ZNF207: variants seen among roughly 807,000 people sequenced by gnomAD.
ZNF207 encodes BUB3-interacting and GLEBS motif-containing protein ZNF207.
In ZNF207, 24 loss-of-function variants were observed where a neutral mutation model predicts 60.2. The observed-to-expected ratio is 0.40, with a 90% CI of 0.29 to 0.56. ZNF207 has a LOEUF of 0.56. Ranked by LOEUF, ZNF207 falls within the 20% of genes least tolerant of loss-of-function variation. ZNF207 has a pLI of 0.49. For synonymous variants in ZNF207, 236 were observed against 194.7 expected (o/e 1.21, Z -1.77); for missense variants, 452 against 636.6 (o/e 0.71, Z 3.12).
chr17:32,366,603 A>G (rs752470601), intron 8 of ZNF207, 62 bp from the exon 9 acceptor site: 15 of 1,409,538 alleles, frequency 1.1e-5, no homozygotes, highest in African/African-American at 1.5e-5. Context: ...AGTCTACCAC[A>G]TGGCTTATTT....
In ZNF207 at chr17:32,374,895, C is replaced by A. The variant is rs539411362; in HGVS notation, c.*5136C>A. The A allele has an allele frequency of 6.6e-6, 1 of 152,274 alleles. No individual in the cohort carries two copies. The highest frequency in any genetic ancestry group is 6.5e-5 in the Admixed American group (1 of 15,294). 9.4% of individuals were successfully genotyped at this position (152,274 alleles called of 1,614,324 possible). On this transcript the variant is annotated 3_prime_UTR_variant, in exon 12 of 12. Coordinates refer to ENST00000394670, the MANE Select transcript of ZNF207 (RefSeq NM_001098507.2). The stretch of plus-strand genomic sequence containing the variant: ...TGTTTTACGCACATGTGAAAAGTAT[C>A]CACATTTGTTTCCAACTAAAATTTG...
chr17:32,352,236 CT>C (rs1305108391), intron 2 of ZNF207, among the ~76,000 whole-genome samples: 1 of 152,110 alleles, frequency 6.6e-6, no homozygotes, highest in Non-Finnish European at 1.5e-5. Flanking sequence ...TCCCAGAGTG[CT>C]GGGATTACAG....
At chr17:32,359,785 C>T (rs1030916406) in intron 3 of ZNF207, among the ~76,000 whole-genome samples, 1 of 152,000 alleles carries the variant, frequency 6.6e-6, no homozygotes, top group Non-Finnish European at 1.5e-5. Context: ...TGGCACATGC[C>T]TATAGTCTAA....
intron 7 of ZNF207, 51 bp from the exon 8 acceptor site, chr17:32,365,279 C>T (rs749111689): frequency 6.4e-7 from 1 of 1,563,086 alleles, no homozygotes; most frequent in Non-Finnish European, 8.7e-7. Flanking sequence ...CGTTTTTTTC[C>T]ACACTAAATT....
At chr17:32,362,843 T>C in intron 6 of ZNF207, 71 bp from the exon 7 acceptor site, 1 of 1,393,200 alleles carries the variant, frequency 7.2e-7, no homozygotes, top group Non-Finnish European at 1.0e-6. Flanking sequence ...TTTCAGGCTT[T>C]AGCCAGAATA....
Position 32,374,423 on chromosome 17 carries a change from T to C in ZNF207, c.*4664T>C, listed in dbSNP as rs952908304. ...TAGTAGAGACGGGGTTTCACCGTGT[T>C]AGCCAGGATGGTCTCGATCTCCTGA... On this transcript the variant is annotated 3_prime_UTR_variant, in exon 12 of 12. Coordinates refer to ENST00000394670, the MANE Select transcript of ZNF207 (RefSeq NM_001098507.2). The C allele has an allele frequency of 6.6e-6, 1 of 151,602 alleles. No individual in the cohort carries two copies. Among genetic ancestry groups the C allele is most frequent in the Middle Eastern group, 3.4e-3 (1 of 294 alleles). 9.4% of individuals were successfully genotyped at this position (151,602 alleles called of 1,614,324 possible).
chr17:32,366,587 C>T, intron 8 of ZNF207, 78 bp from the exon 9 acceptor site: 1 of 1,218,884 alleles, frequency 8.2e-7, no homozygotes, highest in Non-Finnish European at 1.1e-6. Flanking sequence ...ATGCAATCTA[C>T]TAAAAAGTCT....
intron 8 of ZNF207, among the ~76,000 whole-genome samples, chr17:32,365,950 T>A (rs1905143397): frequency 6.6e-6 from 1 of 152,192 alleles, no homozygotes; most frequent in South Asian, 2.1e-4. Context: ...ATTTAATGGC[T>A]TTTGACCTAG....
chr17:32,369,399 A>G lies in ZNF207; in HGVS notation c.1269A>G (p.Pro423=). 2 of 1,614,138 alleles carry G rather than the reference A, an allele frequency of 1.2e-6. No individual in the cohort carries two copies. Among genetic ancestry groups the G allele is most frequent in the Non-Finnish European group, 1.7e-6 (2 of 1,180,018 alleles). The change falls in exon 11 of 12, where the codon CCA becomes CCG. Residue 423 remains proline, a synonymous_variant. Coordinates refer to ENST00000394670, the MANE Select transcript of ZNF207 (RefSeq NM_001098507.2). The part of the protein sequence containing the change: ...PPVGPIGGMM[P]PQPGIPQQQG... ...TTGGACCAATTGGAGGTATGATGCC[A>G]CCACAGCCAGGCATCCCACAGCAAC...
At chr17:32,364,882 T>C (rs1164208995) in intron 7 of ZNF207, among the ~76,000 whole-genome samples, 1 of 152,242 alleles carries the variant, frequency 6.6e-6, no homozygotes, top group African/African-American at 2.4e-5. Context: ...AAAAGTTTTG[T>C]CATGTTGAGG....
At chr17:32,369,029 A>G (rs564806139) in intron 10 of ZNF207, 20 of 383,006 alleles carry the variant, frequency 5.2e-5, no homozygotes, top group African/African-American at 3.1e-4. Context: ...GTTAATAACA[A>G]TACTTCATTA....
At position 32,351,843 on chromosome 17, in the gene ZNF207, G is replaced by A; in HGVS notation, c.99G>A (p.Lys33=). 1.2e-6 allele frequency: 2 copies of A among 1,610,568 alleles called. No homozygotes were observed. The highest frequency in any genetic ancestry group is 8.5e-7 in the Non-Finnish European group (1 of 1,177,960). Reference sequence around the variant, plus strand: ...TCCTTATTCAGCACCAAAAAGCAAAGCATTTTAAATGCCATATATGTCACA... The same window carrying A: ...TCCTTATTCAGCACCAAAAAGCAAAACATTTTAAATGCCATATATGTCACA... ...EKILIQHQKA[K]HFKCHICHKK... Residue 33 remains lysine, a synonymous_variant, in exon 2 of 12, where the codon AAG becomes AAA. Transcript: ENST00000394670.
At chr17:32,358,741 T>A in intron 3 of ZNF207, 100 bp downstream of exon 3, 2 of 903,668 alleles carry the variant, frequency 2.2e-6, no homozygotes, top group Non-Finnish European at 1.5e-6. Context: ...TGGAGTACAG[T>A]GGTGTGATCT....
At chr17:32,368,203 T>A (rs1394627208) in intron 10 of ZNF207, 189 bp downstream of exon 10, 28 of 845,850 alleles carry the variant, frequency 3.3e-5, no homozygotes, top group South Asian at 2.5e-4. Context: ...ATTGCATGTT[T>A]TGGTCTTAGA....
At chr17:32,363,721 G>A (rs887984214) in intron 7 of ZNF207, among the ~76,000 whole-genome samples, 1 of 151,272 alleles carries the variant, frequency 6.6e-6, no homozygotes, top group African/African-American at 2.4e-5. Context: ...TAGTAGAGAT[G>A]GGGTTTCGCC....
At chr17:32,364,494 G>A (rs1166657374) in intron 7 of ZNF207, among the ~76,000 whole-genome samples, 1 of 151,704 alleles carries the variant, frequency 6.6e-6, no homozygotes, top group African/African-American at 2.4e-5. Flanking sequence ...TGAGTAGCTG[G>A]GATTACAGGA....
chr17:32,351,721 CAT>C, intron 1 of ZNF207, 63 bp from the exon 2 acceptor site: 1 of 1,610,496 alleles, frequency 6.2e-7, no homozygotes, highest in African/African-American at 1.3e-5. Context: ...TAATGTTATC[CAT>C]ATGTTTTTAT....
chr17:32,368,206 G>A (rs1401987772), intron 10 of ZNF207, 192 bp downstream of exon 10: 5 of 773,754 alleles, frequency 6.5e-6, no homozygotes, highest in African/African-American at 1.8e-5. Flanking sequence ...GCATGTTTTG[G>A]TCTTAGATGG....
At chr17:32,366,021 A>G (rs575857473) in intron 8 of ZNF207, among the ~76,000 whole-genome samples, 2 of 152,312 alleles carry the variant, frequency 1.3e-5, no homozygotes, top group East Asian at 1.9e-4. Context: ...TTTCCAGAGC[A>G]TAAGTGAAAG....
Sources: allele counts gnomAD v4.1 joint callset (sites outside exome capture counted in the v4.1 genomes callset), GRCh38; gene constraint gnomAD v4.1.1; transcripts MANE v1.5; gene names NCBI Gene and HGNC (gene_info 2026-07-23, HGNC 2026-07-21).